RFC5: variants seen among roughly 807,000 people sequenced by gnomAD.
RFC5 encodes A1 36 kDa subunit.
Under a neutral mutation model 44.3 loss-of-function variants are expected in RFC5, and 26 were observed. The ratio of observed to expected loss-of-function variants is 0.59; its 90% confidence interval spans 0.43 to 0.81. The LOEUF is 0.81. RFC5 is among the 40% of genes least tolerant of loss of function. RFC5 has a pLI of 0.00. For missense variants in RFC5, 328 were observed against 418.6 expected (o/e 0.78, Z 1.89); for synonymous variants, 155 against 155.2 (o/e 1.00, Z 0.01).
intron 5 of RFC5, among the ~76,000 whole-genome samples, chr12:118,022,626 G>A (rs539196973): frequency 6.6e-6 from 1 of 151,954 alleles, no homozygotes; most frequent in East Asian, 1.9e-4. Flanking sequence ...CACCACACCC[G>A]GCTGATTTTT....
At chr12:118,030,300 C>T (rs999292491) in intron 10 of RFC5, among the ~76,000 whole-genome samples, 7 of 152,176 alleles carry the variant, frequency 4.6e-5, no homozygotes, top group African/African-American at 7.2e-5. Context: ...TCAACATAGA[C>T]GTCAGCATAG....
chr12:118,019,096 C>T lies in RFC5; in HGVS notation c.90C>T (p.Thr30=), dbSNP rs763375676. ...GGGTTGAAAAATACCGGCCACAGACCCTGAATGATCTCATTTCTCATCAGG... is the reference window on the plus strand; with the variant it reads ...GGGTTGAAAAATACCGGCCACAGACTCTGAATGATCTCATTTCTCATCAGG... ...LPWVEKYRPQ[T]LNDLISHQDI... Residue 30 remains threonine (T), a synonymous_variant, in exon 2 of 11, where the codon ACC becomes ACT. Transcript: ENST00000454402. This position sits in a 1 kb window ranked among gnomAD's most constrained non-coding sequence, Gnocchi z 4.2. 1.3e-5 allele frequency: 21 copies of T among 1,612,466 alleles called. No homozygotes were observed. The South Asian group carries it at 2.0e-4, about 15-fold the overall frequency.
intron 4 of RFC5, among the ~76,000 whole-genome samples, chr12:118,021,465 A>C (rs1357645456): frequency 2.0e-5 from 3 of 151,994 alleles, no homozygotes; most frequent in Non-Finnish European, 4.4e-5. Flanking sequence ...TGCCCGCCGC[A>C]GCCTCCCAAA....
chr12:118,020,476 C>A (rs1180746237), intron 3 of RFC5, among the ~76,000 whole-genome samples: 2 of 152,192 alleles, frequency 1.3e-5, no homozygotes, highest in Admixed American at 6.5e-5. Flanking sequence ...TACTTAGATT[C>A]AAAAATCTGA....
the RFC5 span, among the ~76,000 whole-genome samples, chr12:118,039,921 T>G: frequency 1.3e-5 from 2 of 151,994 alleles, no homozygotes; most frequent in Non-Finnish European, 2.9e-5. Context: ...TTTTTACATA[T>G]TTTTAGTAGA....
At chr12:118,035,093 T>G (rs1379813033), downstream of RFC5, 9 of 1,613,604 alleles carry the variant, frequency 5.6e-6, no homozygotes, top group Non-Finnish European at 7.6e-6. Context: ...TCCTGAGGAG[T>G]CTGGATGGGG....
chr12:118,020,692 T>C lies in RFC5; in HGVS notation c.268-214T>C, dbSNP rs577688206. Among the ~76,000 whole-genome samples, 19 of 152,360 alleles carry C rather than the reference T, an allele frequency of 1.2e-4. No individual in the cohort carries two copies. The East Asian group carries it at 3.7e-3, about 29-fold the overall frequency. Reference sequence around the variant, plus strand: ...TATTTCTCCAATTTATGTCAGTCATTGTCCTCAAAGGGTGGGGGTAATATA... The same window carrying C: ...TATTTCTCCAATTTATGTCAGTCATCGTCCTCAAAGGGTGGGGGTAATATA... On this transcript the variant is annotated intron_variant, in intron 3 of 10. Coordinates refer to ENST00000454402, the MANE Select transcript of RFC5 (RefSeq NM_007370.7).
At position 118,022,304 on chromosome 12, in the gene RFC5, G is replaced by C; in HGVS notation, c.366G>C (p.Val122=). ...RTIFKKGFKL[V]ILDEADAMTQ... ...TTTCTAGGAAAGGCTTTAAGCTAGT[G>C]ATCTTGGATGAAGCAGACGCCATGA... Residue 122 remains valine, a synonymous_variant, in exon 5 of 11, where the codon GTG becomes GTC. Transcript: ENST00000454402. The C allele has an allele frequency of 6.2e-7, 1 of 1,613,992 alleles. No homozygotes were observed. Among genetic ancestry groups the C allele is most frequent in the South Asian group, 1.1e-5 (1 of 91,072 alleles).
intron 1 of RFC5, among the ~76,000 whole-genome samples, 162 bp from the exon 2 acceptor site, chr12:118,018,910 G>C (rs2030292832): frequency 6.6e-6 from 1 of 152,208 alleles, no homozygotes; most frequent in Non-Finnish European, 1.5e-5. Flanking sequence ...GGCCGGGCTG[G>C]TTGGTCTTGA....
At chr12:118,018,457 C>T (rs1205203354) in intron 1 of RFC5, among the ~76,000 whole-genome samples, 1 of 152,170 alleles carries the variant, frequency 6.6e-6, no homozygotes, top group African/African-American at 2.4e-5. Flanking sequence ...CCATAGGACC[C>T]TCTGCCCACC....
chr12:118,034,788 A>G, downstream of RFC5: 3 of 585,966 alleles, frequency 5.1e-6, no homozygotes, highest in South Asian at 7.2e-5. Context: ...CAGATCTTTA[A>G]TTACATTTAG....
downstream of RFC5, chr12:118,038,097 A>T: frequency 2.2e-6 from 1 of 456,086 alleles, no homozygotes; most frequent in Non-Finnish European, 3.8e-6. Context: ...CTGTTTCCAA[A>T]TCCCTCCTGT....
intron 10 of RFC5, 148 bp downstream of exon 10, chr12:118,029,973 G>A (rs2031210623): frequency 1.4e-6 from 1 of 695,864 alleles, no homozygotes; most frequent in Non-Finnish European, 2.6e-6. Context: ...ATGGAATGTG[G>A]GGAAGGGTGT....
chr12:118,040,160 G>T, the RFC5 span, among the ~76,000 whole-genome samples: 3 of 152,022 alleles, frequency 2.0e-5, no homozygotes, highest in Admixed American at 2.0e-4. Context: ...GCAACACAGT[G>T]AGACTCTGTC....
Position 118,016,808 on chromosome 12 carries a change from G to C in RFC5, c.-20G>C. On this transcript the variant is annotated 5_prime_UTR_variant, in exon 1 of 11. Transcript: ENST00000454402. Reference sequence around the variant, plus strand: ...TGACGCGACGATCTCAGCGGATCTGGTCACCTTCGTCTCCCCGCCATGGAG... The same window carrying C: ...TGACGCGACGATCTCAGCGGATCTGCTCACCTTCGTCTCCCCGCCATGGAG... 1 of 1,605,810 alleles carries C rather than the reference G, an allele frequency of 6.2e-7. No individual in the cohort carries two copies. Among genetic ancestry groups the C allele is most frequent in the Non-Finnish European group, 8.5e-7 (1 of 1,176,132 alleles).
downstream of RFC5, chr12:118,033,977 C>T (rs1205699475): frequency 1.4e-5 from 8 of 582,486 alleles, no homozygotes; most frequent in Non-Finnish European, 2.4e-5. Context: ...GGCTCTGTTG[C>T]CGTGCAAGTG....
At position 118,026,891 on chromosome 12, in the gene RFC5, C is replaced by A; in HGVS notation, c.666C>A (p.Ser222Arg). Residue 222 changes from serine to arginine, a missense_variant and splice_region_variant, in exon 8 of 11, where the codon AGC (serine) becomes AGA (arginine). By Grantham distance (110) the Ser-to-Arg change is moderately radical (BLOSUM62 -1). Transcript: ENST00000454402. The stretch of plus-strand genomic sequence containing the variant: ...CCTTTCCCCCTCTGTCTACACAGAG[C>A]ACCAATATGGCCTTTGGGAAGGTGA... ...DMRRALNILQ[S>R]TNMAFGKVTE... 1 of 1,613,916 alleles carries A rather than the reference C, an allele frequency of 6.2e-7. No homozygotes were observed. Among genetic ancestry groups the A allele is most frequent in the Non-Finnish European group, 8.5e-7 (1 of 1,179,934 alleles).
the RFC5 span, among the ~76,000 whole-genome samples, chr12:118,039,665 G>A: frequency 3.3e-5 from 5 of 152,230 alleles, no homozygotes; most frequent in East Asian, 1.9e-4. Flanking sequence ...ATTGTTATAC[G>A]CCTGTACATG....
downstream of RFC5, chr12:118,034,574 G>T (rs1052579751): frequency 3.1e-4 from 163 of 529,574 alleles, 1 homozygote; most frequent in African/African-American, 2.4e-3. Flanking sequence ...ATACCAAAGC[G>T]CTCTCTCTGT....
Sources: gnomAD v4.1 joint callset for allele counts (sites outside exome capture counted in the v4.1 genomes callset) on GRCh38, gnomAD v4.1.1 for gene constraint, Gnocchi (gnomAD v3.1) non-coding constraint, MANE v1.5 for transcripts, NCBI Gene and HGNC (gene_info 2026-07-23, HGNC 2026-07-21) for gene names.